FBXW4: variants seen among roughly 807,000 people sequenced by gnomAD.
The protein encoded by FBXW4 is F-box and WD repeat domain containing 4.
Under a neutral mutation model 61.8 loss-of-function variants are expected in FBXW4, and 40 were observed. The ratio of observed to expected loss-of-function variants is 0.65; its 90% confidence interval spans 0.50 to 0.84. The LOEUF (loss-of-function observed/expected upper bound fraction) is 0.84. Among genes scored for constraint, FBXW4 ranks in the 40% least tolerant of loss-of-function variants. The pLI is 0.00. For synonymous variants in FBXW4, 311 were observed against 313.8 expected (o/e 0.99, Z 0.10); for missense variants, 672 against 753.8 (o/e 0.89, Z 1.27).
intron 6 of FBXW4, chr10:101,623,060 T>C (rs1239833731): frequency 6.6e-6 from 1 of 152,224 alleles, no homozygotes; most frequent in Non-Finnish European, 1.5e-5. Context: ...TGACAATATA[T>C]TAACATAATT....
intron 5 of FBXW4, among the ~76,000 whole-genome samples, chr10:101,649,681 C>T (rs1221156644): frequency 6.6e-6 from 1 of 152,152 alleles, no homozygotes; most frequent in Non-Finnish European, 1.5e-5. Flanking sequence ...GTGTGACTGG[C>T]GCCAATTCCC....
In FBXW4 at chr10:101,667,873, A is replaced by C. The variant is rs193073481; in HGVS notation, c.1235+13T>G. 632 of 1,607,630 alleles carry C rather than the reference A, an allele frequency of 3.9e-4. 1 individual carries two copies. Among genetic ancestry groups the C allele is most frequent in the Middle Eastern group, 2.3e-3 (14 of 6,050 alleles). On this transcript the variant is annotated intron_variant, in intron 5 of 8. Coordinates refer to ENST00000331272, the MANE Select transcript of FBXW4 (RefSeq NM_022039.4). The stretch of plus-strand genomic sequence containing the variant: ...ATACAGGACAAAACCACATCCAAAT[A>C]TGTCTCCCTTACCTGAGTAATGGGC...
intron 6 of FBXW4, among the ~76,000 whole-genome samples, chr10:101,619,148 CAGGGCCTAGCT>C (rs1249456492): frequency 6.6e-6 from 1 of 152,194 alleles, no homozygotes; most frequent in Non-Finnish European, 1.5e-5. Flanking sequence ...GATGGGATCA[CAGGGCCTAGCT>C]AGGGATACTT....
chr10:101,684,348 G>T (rs142622374), intron 1 of FBXW4, among the ~76,000 whole-genome samples: 43 of 152,204 alleles, frequency 2.8e-4, no homozygotes, highest in African/African-American at 8.9e-4. Flanking sequence ...GGATAGTCTC[G>T]ATCTCCTGAC....
intron 5 of FBXW4, among the ~76,000 whole-genome samples, chr10:101,660,615 T>C (rs188473475): frequency 6.6e-6 from 1 of 152,316 alleles, no homozygotes; most frequent in East Asian, 1.9e-4. Flanking sequence ...ATTGCTAAAT[T>C]ATCTGTTGGC....
At position 101,667,979 on chromosome 10, in the gene FBXW4, AC is replaced by A; in HGVS notation, c.1141del (p.Val381CysfsTer35). 1 of 1,613,584 alleles carries A rather than the reference AC, an allele frequency of 6.2e-7. No homozygotes were observed. Among genetic ancestry groups the A allele is most frequent in the Non-Finnish European group, 8.5e-7 (1 of 1,179,438 alleles). The part of the protein sequence containing the change: ...VSGSRDRTAK[V>X]WPLASGRLGQ... ...CAGCCGGCCTGAGGCCAAAGGCCAC[AC>A]CTAGAAACAGGAGAGGAGATGCTCT... On this transcript the variant is annotated frameshift_variant and splice_region_variant, in exon 5 of 9. Transcript: ENST00000331272. LOFTEE classifies it high-confidence loss of function.
intron 2 of FBXW4, among the ~76,000 whole-genome samples, chr10:101,674,716 C>T (rs150986453): frequency 3.7e-4 from 56 of 152,362 alleles, no homozygotes; most frequent in African/African-American, 1.3e-3. Context: ...AGAAAGTCAG[C>T]TCTCACAGGC....
chr10:101,663,023 G>A (rs776078193), intron 5 of FBXW4, among the ~76,000 whole-genome samples: 2 of 152,166 alleles, frequency 1.3e-5, no homozygotes, highest in African/African-American at 2.4e-5. Context: ...AGATGCTGGT[G>A]AATAAGGCAC....
At chr10:101,637,110 A>G (rs1279541701) in intron 5 of FBXW4, among the ~76,000 whole-genome samples, 12 of 152,064 alleles carry the variant, frequency 7.9e-5, no homozygotes, top group Non-Finnish European at 1.3e-4. Flanking sequence ...TGGGCCGGGC[A>G]CGGTGGCTCA....
intron 6 of FBXW4, among the ~76,000 whole-genome samples, 157 bp from the exon 7 acceptor site, chr10:101,612,634 C>T (rs896981285): frequency 6.6e-6 from 1 of 152,068 alleles, no homozygotes; most frequent in African/African-American, 2.4e-5. Context: ...CAATTCCTAC[C>T]CACCTCACCC....
chr10:101,627,946 A>G (rs1347551767), intron 5 of FBXW4: 3 of 985,252 alleles, frequency 3.0e-6, no homozygotes, highest in African/African-American at 3.5e-5. Flanking sequence ...TCTCTAACCC[A>G]GGTGATTTAA....
At chr10:101,690,715 TTG>T (rs2134924286) in intron 1 of FBXW4, among the ~76,000 whole-genome samples, 1 of 152,320 alleles carries the variant, frequency 6.6e-6, no homozygotes, top group East Asian at 1.9e-4. Flanking sequence ...CCTTAGCAGT[TTG>T]TGTTTCTGAG....
At chr10:101,667,217 C>T (rs536851584) in intron 5 of FBXW4, among the ~76,000 whole-genome samples, 5 of 141,392 alleles carry the variant, frequency 3.5e-5, no homozygotes, top group East Asian at 4.1e-4. Context: ...GGTGACAGAG[C>T]GAGACTCCGT....
At chr10:101,679,015 T>C (rs2064445630) in intron 1 of FBXW4, among the ~76,000 whole-genome samples, 1 of 152,190 alleles carries the variant, frequency 6.6e-6, no homozygotes, top group Non-Finnish European at 1.5e-5. Context: ...AGGTTAACAA[T>C]GAAAAGTGAG....
rs964774015 is a variant in FBXW4 at position 101,633,880 on chromosome 10, G to C, written c.1236-9070C>G. Among the ~76,000 whole-genome samples the C allele has an allele frequency of 3.9e-5, 6 of 152,230 alleles. 1 individual carries two copies. Among genetic ancestry groups the C allele is most frequent in the African/African-American group, 1.4e-4 (6 of 41,542 alleles). ...AATCCCAGCACTTTAGGAGGCTGAG[G>C]GGGGTGGATCACCCAAGTTCAGGAG... On this transcript the variant is annotated intron_variant, in intron 5 of 8. Coordinates refer to ENST00000331272, the MANE Select transcript of FBXW4 (RefSeq NM_022039.4).
intron 6 of FBXW4, among the ~76,000 whole-genome samples, chr10:101,618,052 G>A (rs1374605805): frequency 6.6e-6 from 1 of 152,230 alleles, no homozygotes; most frequent in African/African-American, 2.4e-5. Flanking sequence ...GGGCAGGATG[G>A]GCACTAACAG....
chr10:101,668,485 A>G (rs771269021), intron 4 of FBXW4, among the ~76,000 whole-genome samples: 9 of 152,198 alleles, frequency 5.9e-5, no homozygotes, highest in Non-Finnish European at 1.0e-4. Flanking sequence ...GAAGAAGAAG[A>G]GAGACTTCCA....
chr10:101,677,337 C>CA (rs1202599984), intron 1 of FBXW4, among the ~76,000 whole-genome samples: 1 of 150,186 alleles, frequency 6.7e-6, no homozygotes, highest in Admixed American at 6.6e-5. Flanking sequence ...TACTACTCAG[C>CA]AAAAAAAAGG....
rs148174377 is a variant in FBXW4 at position 101,613,688 on chromosome 10, A to G, written c.1302-1211T>C. Among the ~76,000 whole-genome samples the G allele has an allele frequency of 2.9e-3, 436 of 152,142 alleles. 6 individuals carry two copies. The highest frequency in any genetic ancestry group is 4.0e-3 in the Non-Finnish European group (274 of 67,958). On this transcript the variant is annotated intron_variant, in intron 6 of 8. Transcript: ENST00000331272. ...TGACCCACAACCTCCCTTCTCCCCA[A>G]CAGAGCTGCCATCTTCCCGAAGGCC...
Sources: gnomAD v4.1 joint callset for allele counts (sites outside exome capture counted in the v4.1 genomes callset) on GRCh38, gnomAD v4.1.1 for gene constraint, MANE v1.5 for transcripts, NCBI Gene and HGNC (gene_info 2026-07-23, HGNC 2026-07-21) for gene names.